The following PCDH11Y variants were observed in gnomAD, a reference collection of about 807,000 sequenced individuals.
The protein encoded by PCDH11Y is protocadherin-11 Y-linked.
For synonymous variants in PCDH11Y, 9 were observed against 83.6 expected (o/e 0.11, Z 4.87); for missense variants, 12 against 224.8 (o/e 0.05, Z 6.05).
chrY:5,187,385 G>T lies in PCDH11Y; in HGVS notation c.3129+86678G>T. On this transcript the variant is annotated intron_variant, in intron 2 of 4. Coordinates refer to the PCDH11Y transcript ENST00000400457. ...GGTTCTCCATGAGAACTCCATCCCT[G>T]CAACACACCTGTGCCTGGATATCCA... Among the ~76,000 whole-genome samples, 3 of 32,283 alleles carry T rather than the reference G, an allele frequency of 9.3e-5. No homozygotes were observed. The South Asian group carries it at 2.2e-3, about 23-fold the overall frequency. 86.6% of individuals were successfully genotyped at this position (32,283 alleles called of 37,273 possible).
chrY:5,001,194 G>A, intron 1 of PCDH11Y, among the ~76,000 whole-genome samples: 1 of 33,309 alleles, frequency 3.0e-5, no homozygotes, highest in African/African-American at 1.2e-4. Context: ...CAGGGTTCCC[G>A]GTGCTGTTTC....
At chrY:5,634,788 G>C (rs1602954788) in intron 4 of PCDH11Y, 1 of 28,321 alleles carries the variant, frequency 3.5e-5, no homozygotes, top group Non-Finnish European at 8.7e-5. Context: ...AAATGTATCT[G>C]TGTGTGTGTG....
intron 2 of PCDH11Y, among the ~76,000 whole-genome samples, chrY:5,121,581 C>A (rs2124640101): frequency 7.3e-4 from 24 of 33,033 alleles, no homozygotes; most frequent in African/African-American, 2.8e-3. Context: ...CATGCAGGAA[C>A]AATACTTTGC....
chrY:5,544,743 C>G, intron 3 of PCDH11Y, among the ~76,000 whole-genome samples: 6 of 31,663 alleles, frequency 1.9e-4, no homozygotes. Flanking sequence ...GTCTAAGATA[C>G]CTATTAATTT....
intron 2 of PCDH11Y, among the ~76,000 whole-genome samples, chrY:5,289,943 T>C: frequency 3.0e-5 from 1 of 33,210 alleles, no homozygotes; most frequent in African/African-American, 1.2e-4. Flanking sequence ...GGATATCACT[T>C]TGATACACTT....
At chrY:5,636,965 G>T in intron 4 of PCDH11Y, among the ~76,000 whole-genome samples, 3 of 32,970 alleles carry the variant, frequency 9.1e-5, no homozygotes, top group Admixed American at 8.3e-4. Flanking sequence ...ATCATGAAAA[G>T]TTACATCCAT....
intron 4 of PCDH11Y, among the ~76,000 whole-genome samples, chrY:5,727,855 A>G: frequency 3.1e-5 from 1 of 32,699 alleles, no homozygotes; most frequent in Non-Finnish European, 7.6e-5. Flanking sequence ...ACAATCATGT[A>G]TCTATCACCA....
At chrY:5,726,943 G>T in intron 4 of PCDH11Y, among the ~76,000 whole-genome samples, 1 of 33,019 alleles carries the variant, frequency 3.0e-5, no homozygotes. Flanking sequence ...AAATATAATT[G>T]TGCAAAAAAT....
At chrY:5,102,277 A>G, downstream of PCDH11Y, among the ~76,000 whole-genome samples, 1 of 31,460 alleles carries the variant, frequency 3.2e-5, no homozygotes, top group Non-Finnish European at 7.8e-5. Flanking sequence ...ATATTTAACC[A>G]TTAAAAAGGG....
At chrY:5,351,899 G>A (rs1602909538) in intron 2 of PCDH11Y, among the ~76,000 whole-genome samples, 6 of 29,697 alleles carry the variant, frequency 2.0e-4, no homozygotes, top group African/African-American at 6.5e-4. Flanking sequence ...AGTGCTTTCC[G>A]TACCAGCCAA....
intron 2 of PCDH11Y, among the ~76,000 whole-genome samples, chrY:5,283,115 T>G: frequency 3.0e-5 from 1 of 33,575 alleles, no homozygotes; most frequent in African/African-American, 1.1e-4. Context: ...TTGTATGTAT[T>G]TGTTTAATCC....
intron 2 of PCDH11Y, among the ~76,000 whole-genome samples, chrY:5,246,445 G>A: frequency 6.0e-5 from 2 of 33,135 alleles, no homozygotes; most frequent in African/African-American, 1.2e-4. Flanking sequence ...TTAAAGAAAA[G>A]CATTTTCAAC....
intron 3 of PCDH11Y, among the ~76,000 whole-genome samples, chrY:5,560,193 G>A: frequency 3.0e-5 from 1 of 33,219 alleles, no homozygotes; most frequent in Non-Finnish European, 7.4e-5. Flanking sequence ...GATGATTTAA[G>A]GTATCTAGCA....
chrY:5,574,403 C>A, intron 3 of PCDH11Y: 1 of 346,214 alleles, frequency 2.9e-6, no homozygotes, highest in African/African-American at 7.0e-5. Flanking sequence ...GTGTCTGAGA[C>A]CAACGACACC....
At position 5,443,133 on chromosome Y, in the gene PCDH11Y, C is replaced by A. The variant is rs2053284059; in HGVS notation, c.3130-57924C>A. On this transcript the variant is annotated intron_variant, in intron 2 of 4. Transcript: ENST00000400457. ...TTTGAAGAGAAGAAAGCTTGCACACCAATATCCTTTATGAATATGGATGTA... is the reference window on the plus strand; with the variant it reads ...TTTGAAGAGAAGAAAGCTTGCACACAAATATCCTTTATGAATATGGATGTA... 1.4e-3 allele frequency among the ~76,000 whole-genome samples: 46 copies of A among 32,581 alleles called. No individual in the cohort carries two copies. In the South Asian group the frequency reaches 0.031, roughly 22 times the overall value. 87.4% of individuals were successfully genotyped at this position (32,581 alleles called of 37,273 possible).
intron 4 of PCDH11Y, among the ~76,000 whole-genome samples, chrY:5,708,442 A>G: frequency 3.0e-5 from 1 of 33,568 alleles, no homozygotes; most frequent in South Asian, 6.5e-4. Context: ...ACTTTTCAAG[A>G]CATAAACAGT....
At chrY:5,682,668 A>C in intron 4 of PCDH11Y, among the ~76,000 whole-genome samples, 6 of 30,718 alleles carry the variant, frequency 2.0e-4, no homozygotes, top group Non-Finnish European at 3.9e-4. Context: ...AAGCACATTC[A>C]AATTATATCA....
chrY:5,599,064 CT>C (rs2053470232), intron 4 of PCDH11Y, among the ~76,000 whole-genome samples: 1 of 32,395 alleles, frequency 3.1e-5, no homozygotes, highest in Non-Finnish European at 7.5e-5. Flanking sequence ...TTGAAAAATA[CT>C]ATCAGAATAC....
chrY:5,244,707 T>A, intron 2 of PCDH11Y, among the ~76,000 whole-genome samples: 1 of 34,215 alleles, frequency 2.9e-5, no homozygotes. Flanking sequence ...CAAAAGCCAC[T>A]CAGCACAAAA....
Sources: gnomAD v4.1 joint callset for allele counts (sites outside exome capture counted in the v4.1 genomes callset) on GRCh38, gnomAD v4.1.1 for gene constraint, MANE v1.5 for transcripts, NCBI Gene and HGNC (gene_info 2026-07-23, HGNC 2026-07-21) for gene names.